The following NRXN3 variants were observed in gnomAD, a reference collection of about 807,000 sequenced individuals.
NRXN3 encodes neurexin III.
A neutral mutation model predicts 137.6 loss-of-function variants in NRXN3; 32 were observed. The observed-to-expected ratio is 0.23, with a 90% confidence interval of 0.18 to 0.31. The LOEUF is 0.31. Ranked by LOEUF, NRXN3 falls within the 10% of genes least tolerant of loss-of-function variation. The pLI, the probability that NRXN3 is intolerant of heterozygous loss-of-function variation, is 1.00. For missense variants in NRXN3, 1,574 were observed against 2,062.5 expected (o/e 0.76, Z 4.59); for synonymous variants, 798 against 784.5 (o/e 1.02, Z -0.29).
intron 10 of NRXN3, among the ~76,000 whole-genome samples, chr14:78,813,134 A>G (rs1469239860): frequency 6.6e-6 from 1 of 152,242 alleles, no homozygotes; most frequent in Non-Finnish European, 1.5e-5. Flanking sequence ...TAAATCTTTA[A>G]GAAAAAAACA....
chr14:78,757,362 A>G (rs1158791399), intron 8 of NRXN3, among the ~76,000 whole-genome samples: 1 of 151,174 alleles, frequency 6.6e-6, no homozygotes, highest in Admixed American at 6.6e-5. Flanking sequence ...GTGAGTTGAG[A>G]TCGCCACTGC....
intron 8 of NRXN3, among the ~76,000 whole-genome samples, chr14:78,757,763 G>T (rs1015073372): frequency 6.6e-6 from 1 of 152,176 alleles, no homozygotes; most frequent in African/African-American, 2.4e-5. Flanking sequence ...ATGGTAATAT[G>T]CCATTGTTAA....
chr14:79,080,659 A>C (rs570108526), intron 15 of NRXN3, among the ~76,000 whole-genome samples: 2 of 152,304 alleles, frequency 1.3e-5, no homozygotes, highest in Admixed American at 1.3e-4. Context: ...TTACCATATC[A>C]TAGTGGTAAT....
At chr14:79,710,257 T>C (rs969445008) in intron 19 of NRXN3, among the ~76,000 whole-genome samples, 3 of 152,136 alleles carry the variant, frequency 2.0e-5, no homozygotes, top group Non-Finnish European at 2.9e-5. Context: ...TGACCACTTA[T>C]GCAAAAAACA....
intron 4 of NRXN3, among the ~76,000 whole-genome samples, chr14:78,552,148 G>A (rs2096698373): frequency 6.6e-6 from 1 of 152,166 alleles, no homozygotes; most frequent in African/African-American, 2.4e-5. Flanking sequence ...CTTGCTAATG[G>A]AACCATCTTG....
intron 15 of NRXN3, among the ~76,000 whole-genome samples, chr14:79,432,892 C>T (rs1447669560): frequency 2.0e-5 from 3 of 152,172 alleles, no homozygotes; most frequent in South Asian, 2.1e-4. Flanking sequence ...TTTATTATTT[C>T]ACACTGCAGT....
chr14:78,452,655 T>C (rs1431774532), intron 4 of NRXN3, among the ~76,000 whole-genome samples: 1 of 152,226 alleles, frequency 6.6e-6, no homozygotes, highest in Non-Finnish European at 1.5e-5. Context: ...TGAGAGCTTG[T>C]TTAATTAAAC....
intron 4 of NRXN3, among the ~76,000 whole-genome samples, chr14:78,371,868 A>G (rs951075592): frequency 1.1e-4 from 17 of 152,248 alleles, no homozygotes; most frequent in African/African-American, 3.9e-4. Context: ...GCCATAATTT[A>G]TGTTAACACT....
intron 15 of NRXN3, among the ~76,000 whole-genome samples, chr14:79,170,485 G>C (rs956798749): frequency 2.0e-5 from 3 of 152,088 alleles, no homozygotes; most frequent in African/African-American, 7.2e-5. Flanking sequence ...TCTGGAAACT[G>C]GGGTAGATAT....
At chr14:78,698,155 A>G (rs17108071) in intron 6 of NRXN3, 46,939 of 151,762 alleles carry the variant, frequency 0.31, 8,605 homozygotes, top group African/African-American at 0.5. Flanking sequence ...CTTACCCATT[A>G]GCCTGCACCT....
intron 19 of NRXN3, among the ~76,000 whole-genome samples, chr14:79,772,532 T>C (rs2099082136): frequency 6.6e-6 from 1 of 152,200 alleles, no homozygotes; most frequent in African/African-American, 2.4e-5. Flanking sequence ...GGGGAAAGGA[T>C]TCCCTATTTA....
chr14:78,858,895 T>C (rs1427355377), intron 10 of NRXN3, among the ~76,000 whole-genome samples: 3 of 152,196 alleles, frequency 2.0e-5, no homozygotes, highest in Non-Finnish European at 4.4e-5. Context: ...ATGCCTTCAG[T>C]GTTCTTTTAG....
intron 15 of NRXN3, among the ~76,000 whole-genome samples, chr14:79,259,287 C>T (rs1350163945): frequency 6.6e-6 from 1 of 152,148 alleles, no homozygotes; most frequent in African/African-American, 2.4e-5. Context: ...CTGTTTACAG[C>T]TATGAAAGAG....
chr14:79,832,122 C>A (rs2099325784), intron 20 of NRXN3, among the ~76,000 whole-genome samples: 1 of 152,046 alleles, frequency 6.6e-6, no homozygotes, highest in South Asian at 2.1e-4. Flanking sequence ...TTCTAGAGTA[C>A]TTATAATACC....
chr14:78,798,389 C>A (rs2098828654), intron 8 of NRXN3, among the ~76,000 whole-genome samples: 1 of 152,226 alleles, frequency 6.6e-6, no homozygotes, highest in Non-Finnish European at 1.5e-5. Flanking sequence ...TATCTCACAT[C>A]TGGGTAATGC....
At chr14:78,961,624 G>A (rs942678985) in intron 11 of NRXN3, among the ~76,000 whole-genome samples, 2 of 152,190 alleles carry the variant, frequency 1.3e-5, no homozygotes, top group South Asian at 2.1e-4. Context: ...GTGTTGATAC[G>A]TTTAACCCTG....
chr14:78,667,097 G>A (rs878864433), intron 6 of NRXN3, among the ~76,000 whole-genome samples: 2 of 152,102 alleles, frequency 1.3e-5, no homozygotes, highest in Admixed American at 1.3e-4. Flanking sequence ...CTGCTTGACT[G>A]ATCACTGGGT....
chr14:79,861,619 G>A lies in NRXN3; in HGVS notation c.4371G>A (p.Lys1457=), dbSNP rs768104864. The A allele has an allele frequency of 6.2e-7, 1 of 1,613,922 alleles. No homozygotes were observed. Among genetic ancestry groups the A allele is most frequent in the South Asian group, 1.1e-5 (1 of 91,054 alleles). Residue 1457 remains lysine, a synonymous_variant, in exon 21 of 21, where the codon AAG becomes AAA. Coordinates refer to ENST00000335750, the MANE Select transcript of NRXN3 (RefSeq NM_001330195.2). This position sits in a 1 kb window ranked among gnomAD's most constrained non-coding sequence, Gnocchi z 5.4. ...TAYELDSTKL[K]SPLITSPMFR... is the part of the protein sequence containing the mutation. ...ATGAGCTAGACAGCACCAAACTGAAGAGCCCACTAATTACTTCCCCCATGT... is the reference window on the plus strand; with the variant it reads ...ATGAGCTAGACAGCACCAAACTGAAAAGCCCACTAATTACTTCCCCCATGT...
chr14:78,546,534 C>T (rs1000765064), intron 4 of NRXN3, among the ~76,000 whole-genome samples: 17 of 152,124 alleles, frequency 1.1e-4, no homozygotes, highest in Non-Finnish European at 1.9e-4. Flanking sequence ...CTTCTAATTT[C>T]CAGTCTTCGT....
Sources: allele counts gnomAD v4.1 joint callset (sites outside exome capture counted in the v4.1 genomes callset), GRCh38; gene constraint gnomAD v4.1.1; non-coding constraint Gnocchi (gnomAD v3.1); transcripts MANE v1.5; gene names NCBI Gene and HGNC (gene_info 2026-07-23, HGNC 2026-07-21).